Variants in PDE8B observed in about 807,000 individuals in gnomAD.
PDE8B encodes the protein high affinity cAMP-specific and IBMX-insensitive 3',5'-cyclic phosphodiesterase 8B.
PDE8B carries 26 observed loss-of-function variants against 101.3 expected under a neutral mutation model. The ratio of observed to expected loss-of-function variants is 0.26; its 90% CI spans 0.19 to 0.36. The LOEUF (loss-of-function observed/expected upper bound fraction) is 0.36. PDE8B is among the 10% of genes least tolerant of loss of function. The probability of loss-of-function intolerance (pLI) is 1.00; values close to 1 mark genes in which losing one functional copy is unlikely to be tolerated. For missense variants in PDE8B, 810 were observed against 1,163.1 expected (o/e 0.70, Z 4.42); for synonymous variants, 424 against 429.3 (o/e 0.99, Z 0.15).
the PDE8B span, among the ~76,000 whole-genome samples, chr5:77,129,284 T>C: frequency 3.7e-4 from 56 of 152,278 alleles, no homozygotes; most frequent in African/African-American, 1.3e-3. Context: ...AAAGATTTTA[T>C]TATGAAAAAT....
chr5:77,387,059 AT>A (rs1788849870), intron 10 of PDE8B, among the ~76,000 whole-genome samples: 1 of 149,132 alleles, frequency 6.7e-6, no homozygotes, highest in Admixed American at 6.7e-5. Context: ...AATTTTTTGT[AT>A]TTTTAGTAGA....
At chr5:77,302,929 C>T (rs1770305715) in intron 1 of PDE8B, among the ~76,000 whole-genome samples, 1 of 152,172 alleles carries the variant, frequency 6.6e-6, no homozygotes. Context: ...TCATCTTGAG[C>T]AAGGTCCCCT....
At chr5:77,262,001 G>T (rs771974541) in intron 1 of PDE8B, among the ~76,000 whole-genome samples, 1 of 151,992 alleles carries the variant, frequency 6.6e-6, no homozygotes, top group Non-Finnish European at 1.5e-5. Flanking sequence ...AAAATAAATT[G>T]GGCTTCAATT....
the PDE8B span, among the ~76,000 whole-genome samples, chr5:77,090,204 G>A: frequency 1.3e-5 from 2 of 152,248 alleles, no homozygotes; most frequent in African/African-American, 4.8e-5. Flanking sequence ...TTGATAACAC[G>A]GAAGGGTGAC....
chr5:77,277,736 C>G (rs895650629), intron 1 of PDE8B, among the ~76,000 whole-genome samples: 1 of 152,144 alleles, frequency 6.6e-6, no homozygotes, highest in Non-Finnish European at 1.5e-5. Context: ...GTAGTTTCCC[C>G]TAACATCACA....
intron 11 of PDE8B, among the ~76,000 whole-genome samples, chr5:77,402,564 A>G (rs1792512932): frequency 6.6e-6 from 1 of 152,248 alleles, no homozygotes; most frequent in Non-Finnish European, 1.5e-5. Context: ...TTATAAAGTG[A>G]AAACAGTAAG....
chr5:77,379,432 TTAAGA>T (rs1174842589), intron 10 of PDE8B, among the ~76,000 whole-genome samples: 1 of 152,150 alleles, frequency 6.6e-6, no homozygotes. Context: ...TAAATTACCA[TTAAGA>T]TAAAAGGGGA....
In PDE8B at chr5:77,426,855, G is replaced by A. The variant is rs1053589354; in HGVS notation, c.*301G>A. The A allele has an allele frequency of 5.4e-6, 2 of 372,832 alleles. No individual in the cohort carries two copies. Among genetic ancestry groups the A allele is most frequent in the Non-Finnish European group, 1.0e-5 (2 of 195,444 alleles). 23.1% of individuals were successfully genotyped at this position (372,832 alleles called of 1,614,324 possible). A position where few individuals can be genotyped will look rare whatever the true frequency, so the allele number is the denominator to read the frequency against. On this transcript the variant is annotated 3_prime_UTR_variant, in exon 22 of 22. Coordinates refer to ENST00000264917, the MANE Select transcript of PDE8B (RefSeq NM_003719.5). Reference sequence around the variant, plus strand: ...TGGAGCTGGTTCACTGTAACTAGCAGGCCACAGGAAGCAAAGCCTTGGTGC... The same window carrying A: ...TGGAGCTGGTTCACTGTAACTAGCAAGCCACAGGAAGCAAAGCCTTGGTGC...
At chr5:77,399,755 G>A (rs1015356028) in intron 10 of PDE8B, among the ~76,000 whole-genome samples, 3 of 152,196 alleles carry the variant, frequency 2.0e-5, no homozygotes, top group South Asian at 4.1e-4. Flanking sequence ...AGATCTCATC[G>A]TGAGAAAACA....
chr5:77,363,384 G>C (rs1783492828), intron 10 of PDE8B, among the ~76,000 whole-genome samples: 1 of 152,148 alleles, frequency 6.6e-6, no homozygotes, highest in Admixed American at 6.5e-5. Flanking sequence ...TCATAGAGGA[G>C]GTGTTGACTG....
At chr5:77,223,894 G>A (rs1383581098) in intron 1 of PDE8B, among the ~76,000 whole-genome samples, 1 of 152,186 alleles carries the variant, frequency 6.6e-6, no homozygotes, top group Admixed American at 6.5e-5. Flanking sequence ...GCTGGCGGGT[G>A]TCAGCCCAGG....
intron 1 of PDE8B, among the ~76,000 whole-genome samples, chr5:77,303,298 G>A (rs925584642): frequency 5.3e-5 from 8 of 152,168 alleles, no homozygotes; most frequent in Non-Finnish European, 8.8e-5. Context: ...CCAGCACTTC[G>A]GGAGGCCAAG....
chr5:77,426,223 T>C, intron 21 of PDE8B: 1 of 608,784 alleles, frequency 1.6e-6, no homozygotes, highest in Non-Finnish European at 2.9e-6. Context: ...TTTAGTTTAC[T>C]CTGAATCACA....
At chr5:77,246,559 CT>C (rs1756993112) in intron 1 of PDE8B, among the ~76,000 whole-genome samples, 1 of 152,230 alleles carries the variant, frequency 6.6e-6, no homozygotes. Context: ...TGAAAATTAT[CT>C]GAAATTCCAA....
At chr5:77,225,152 A>G (rs1486451527) in intron 1 of PDE8B, among the ~76,000 whole-genome samples, 1 of 152,190 alleles carries the variant, frequency 6.6e-6, no homozygotes. Flanking sequence ...ATCTATAAAG[A>G]TAAACTTCCC....
rs867789448 is a variant in PDE8B, at chr5:77,232,941, C to T, written c.339+21677C>T. Among the ~76,000 whole-genome samples, 12 of 152,106 alleles carry T rather than the reference C, an allele frequency of 7.9e-5. 1 individual carries two copies. Among genetic ancestry groups the T allele is most frequent in the Admixed American group, 3.3e-4 (5 of 15,276 alleles). ...GTAAAGGGAATACTGCTGTAAGTAGCGAATCCTTTGAATTGGAAGATGTCA... is the reference window on the plus strand; with the variant it reads ...GTAAAGGGAATACTGCTGTAAGTAGTGAATCCTTTGAATTGGAAGATGTCA... On this transcript the variant is annotated intron_variant, in intron 1 of 21. Transcript: ENST00000264917.
chr5:77,261,356 G>C (rs1168583930), intron 1 of PDE8B, among the ~76,000 whole-genome samples: 1 of 152,142 alleles, frequency 6.6e-6, no homozygotes, highest in African/African-American at 2.4e-5. Flanking sequence ...GTTTTTGAGA[G>C]GTGGAAGTTA....
the PDE8B span, among the ~76,000 whole-genome samples, chr5:77,111,083 A>G: frequency 6.6e-6 from 1 of 152,220 alleles, no homozygotes; most frequent in South Asian, 2.1e-4. Context: ...CCTAATGTCA[A>G]AAAATCACTT....
chr5:77,297,275 G>A (rs1768805078), intron 1 of PDE8B, among the ~76,000 whole-genome samples: 1 of 152,132 alleles, frequency 6.6e-6, no homozygotes, highest in African/African-American at 2.4e-5. Context: ...AGTCAAAATG[G>A]CGACTAAATT....
Sources: allele counts gnomAD v4.1 joint callset (sites outside exome capture counted in the v4.1 genomes callset), GRCh38; gene constraint gnomAD v4.1.1; transcripts MANE v1.5; gene names NCBI Gene and HGNC (gene_info 2026-07-23, HGNC 2026-07-21).